The following PTPRD variants were observed in gnomAD, a reference collection of about 807,000 sequenced individuals.
PTPRD encodes protein tyrosine phosphatase receptor type D, also known as receptor-type tyrosine-protein phosphatase delta.
In PTPRD, 34 loss-of-function variants were observed where a neutral mutation model predicts 214.5. The ratio of observed to expected loss-of-function variants is 0.16; its 90% CI spans 0.12 to 0.21. PTPRD has a LOEUF of 0.21. Among genes scored for constraint, PTPRD ranks in the 10% least tolerant of loss-of-function variants. PTPRD has a pLI of 1.00. For synonymous variants in PTPRD, 1,128 were observed against 845.7 expected (o/e 1.33, Z -5.79); for missense variants, 2,545 against 2,398.7 (o/e 1.06, Z -1.27).
chr9:8,678,005 C>T (rs1596709267), intron 12 of PTPRD, among the ~76,000 whole-genome samples: 1 of 152,298 alleles, frequency 6.6e-6, no homozygotes, highest in East Asian at 1.9e-4. Context: ...GTGTCTCTCT[C>T]TCCTGCTATC....
At chr9:10,416,267 A>T (rs993203175) in intron 2 of PTPRD, among the ~76,000 whole-genome samples, 14 of 151,978 alleles carry the variant, frequency 9.2e-5, no homozygotes, top group Non-Finnish European at 2.1e-4. Flanking sequence ...CTGAGGCAGG[A>T]GAATTGCTTG....
rs570771734 is a variant in PTPRD, at chr9:8,842,079, T to C, written c.-103-108133A>G. 5.0e-4 allele frequency among the ~76,000 whole-genome samples: 76 copies of C among 151,034 alleles called. 1 individual carries two copies. Among genetic ancestry groups the C allele is most frequent in the Non-Finnish European group, 9.4e-4 (64 of 67,836 alleles). ...TTTTTTAAACAAAAATAACTTCTTG[T>C]ATAACAATGAGAATGAAAAAACAAC... On this transcript the variant is annotated intron_variant, in intron 11 of 45. Coordinates refer to ENST00000381196, the MANE Select transcript of PTPRD (RefSeq NM_002839.4).
At chr9:9,101,436 C>T (rs1388852898) in intron 10 of PTPRD, among the ~76,000 whole-genome samples, 1 of 152,122 alleles carries the variant, frequency 6.6e-6, no homozygotes, top group African/African-American at 2.4e-5. Flanking sequence ...GCATCCTCAC[C>T]TCCCATGAAA....
intron 2 of PTPRD, among the ~76,000 whole-genome samples, chr9:10,462,390 C>T (rs1390316431): frequency 1.3e-5 from 2 of 152,068 alleles, no homozygotes; most frequent in Non-Finnish European, 2.9e-5. Context: ...ATATGATCTA[C>T]ACTTAAATGA....
intron 11 of PTPRD, among the ~76,000 whole-genome samples, chr9:8,811,598 C>T (rs1487842472): frequency 3.3e-5 from 5 of 152,116 alleles, no homozygotes; most frequent in African/African-American, 9.7e-5. Flanking sequence ...AGCCTTATTA[C>T]TCAAATACAT....
chr9:9,325,129 G>A (rs1416235561), intron 9 of PTPRD, among the ~76,000 whole-genome samples: 3 of 152,164 alleles, frequency 2.0e-5, no homozygotes, highest in African/African-American at 7.2e-5. Flanking sequence ...GTAGCGTGAT[G>A]CCTCCAGCTT....
At chr9:9,463,975 T>C (rs111257083) in intron 8 of PTPRD, among the ~76,000 whole-genome samples, 57 of 152,304 alleles carry the variant, frequency 3.7e-4, no homozygotes, top group African/African-American at 1.3e-3. Context: ...ACCAGCTACC[T>C]GCTTCTTGTT....
chr9:10,086,659 T>C (rs934782643), intron 3 of PTPRD, among the ~76,000 whole-genome samples: 5 of 151,778 alleles, frequency 3.3e-5, no homozygotes, highest in African/African-American at 9.7e-5. Context: ...TGTCTAATTA[T>C]ATAGGCAATG....
intron 11 of PTPRD, among the ~76,000 whole-genome samples, chr9:8,787,674 A>AT (rs1317516500): frequency 2.0e-5 from 3 of 152,158 alleles, no homozygotes; most frequent in Admixed American, 6.5e-5. Context: ...TCATGTGGAG[A>AT]TGACAGGAGG....
chr9:10,319,459 A>T (rs1252885861), intron 3 of PTPRD, among the ~76,000 whole-genome samples: 1 of 152,096 alleles, frequency 6.6e-6, no homozygotes, highest in East Asian at 1.9e-4. Flanking sequence ...CTAGAACCTC[A>T]TTTTACAAGC....
intron 7 of PTPRD, among the ~76,000 whole-genome samples, chr9:9,616,914 G>A (rs2094906145): frequency 6.6e-6 from 1 of 152,082 alleles, no homozygotes; most frequent in Admixed American, 6.6e-5. Context: ...CATTTGCTGA[G>A]GAGTGTTTTA....
intron 10 of PTPRD, among the ~76,000 whole-genome samples, chr9:9,129,244 G>A (rs1047708857): frequency 6.6e-6 from 1 of 152,132 alleles, no homozygotes; most frequent in African/African-American, 2.4e-5. Flanking sequence ...ACCAAAATTA[G>A]CCAGGCATGG....
chr9:9,183,823 C>G (rs7028024), intron 9 of PTPRD, among the ~76,000 whole-genome samples: 14,381 of 151,948 alleles, frequency 0.095, 920 homozygotes, highest in African/African-American at 0.17. Flanking sequence ...CAAGCTAAAG[C>G]AAATCCTTGT....
chr9:9,219,203 A>G (rs546618008), intron 9 of PTPRD, among the ~76,000 whole-genome samples: 1 of 152,286 alleles, frequency 6.6e-6, no homozygotes, highest in East Asian at 1.9e-4. Context: ...TGAGGCATTT[A>G]CAAACTTTTA....
chr9:8,866,691 A>G (rs2098202220), intron 11 of PTPRD, among the ~76,000 whole-genome samples: 1 of 152,148 alleles, frequency 6.6e-6, no homozygotes, highest in African/African-American at 2.4e-5. Context: ...GGATAAAACT[A>G]TCCATATTTC....
intron 7 of PTPRD, among the ~76,000 whole-genome samples, chr9:9,729,770 A>G (rs2098155595): frequency 2.0e-5 from 3 of 152,102 alleles, no homozygotes; most frequent in South Asian, 4.1e-4. Context: ...AAATTGTGAG[A>G]GAACGAACAT....
chr9:9,652,508 T>C (rs1392800248), intron 7 of PTPRD, among the ~76,000 whole-genome samples: 1 of 152,188 alleles, frequency 6.6e-6, no homozygotes, highest in Admixed American at 6.5e-5. Flanking sequence ...AGGCTCCCTA[T>C]AATACCTTTA....
At chr9:9,704,071 A>T (rs1219401899) in intron 7 of PTPRD, among the ~76,000 whole-genome samples, 2 of 84,002 alleles carry the variant, frequency 2.4e-5, no homozygotes, top group African/African-American at 1.4e-4. Flanking sequence ...TATTTTAAAA[A>T]TGAAATTTCT....
intron 8 of PTPRD, among the ~76,000 whole-genome samples, chr9:9,427,589 C>G (rs1225865949): frequency 6.6e-6 from 1 of 152,080 alleles, no homozygotes; most frequent in Non-Finnish European, 1.5e-5. Flanking sequence ...TCAAGAAGAG[C>G]AACTCCAAGA....
Sources: gnomAD v4.1 joint callset for allele counts (sites outside exome capture counted in the v4.1 genomes callset) on GRCh38, gnomAD v4.1.1 for gene constraint, MANE v1.5 for transcripts, NCBI Gene and HGNC (gene_info 2026-07-23, HGNC 2026-07-21) for gene names.